Variants in SLC14A1 observed in about 807,000 individuals in gnomAD.
SLC14A1 encodes the protein solute carrier family 14 member 1 (Kidd blood group).
In SLC14A1, 36 loss-of-function variants were observed where a neutral mutation model predicts 39.6. The ratio of observed to expected loss-of-function variants is 0.91; its 90% confidence interval spans 0.70 to 1.20. The LOEUF (loss-of-function observed/expected upper bound fraction) is 1.20, where lower values mean the gene tolerates loss of function less well. Ranked by LOEUF, SLC14A1 falls within the 50% of genes most tolerant of loss-of-function variation. SLC14A1 has a pLI of 0.00. For synonymous variants in SLC14A1, 164 were observed against 173.6 expected (o/e 0.94, Z 0.43); for missense variants, 469 against 478.7 (o/e 0.98, Z 0.19).
In SLC14A1 at chr18:45,747,587, C is replaced by T. The variant is rs574502145; in HGVS notation, c.947-789C>T. Reference sequence around the variant, plus strand: ...GTGGGCACCTGTAGTCCCAGCTACTCGGGAGGCTGAGGCAGGAGAATGGCG... The same window carrying T: ...GTGGGCACCTGTAGTCCCAGCTACTTGGGAGGCTGAGGCAGGAGAATGGCG... On this transcript the variant is annotated intron_variant, in intron 8 of 9. Transcript: ENST00000321925. 1.1e-4 allele frequency among the ~76,000 whole-genome samples: 16 copies of T among 151,934 alleles called. 1 individual carries two copies. The highest frequency in any genetic ancestry group is 7.2e-5 in the African/African-American group (3 of 41,456).
intron 8 of SLC14A1, among the ~76,000 whole-genome samples, chr18:45,746,497 A>G (rs1275988280): frequency 1.3e-5 from 2 of 152,218 alleles, no homozygotes; most frequent in African/African-American, 2.4e-5. Context: ...GAGCCTTAGA[A>G]GTGTAATGGA....
At chr18:45,742,651 C>A (rs1194286846) in intron 8 of SLC14A1, among the ~76,000 whole-genome samples, 1 of 144,920 alleles carries the variant, frequency 6.9e-6, no homozygotes, top group South Asian at 2.3e-4. Flanking sequence ...AGCCACCGCA[C>A]CTGGCGGGTG....
chr18:45,737,058 CCT>C (rs2047219484), intron 6 of SLC14A1, among the ~76,000 whole-genome samples: 1 of 152,230 alleles, frequency 6.6e-6, no homozygotes, highest in African/African-American at 2.4e-5. Context: ...TCTGACAGAA[CCT>C]CTCTATTCTG....
intron 2 of SLC14A1, chr18:45,726,716 A>G (rs7233769): frequency 0.42 from 63,223 of 152,308 alleles, 14,162 homozygotes; most frequent in East Asian, 0.52. Flanking sequence ...TCTTAAAGGC[A>G]GCTTGTGAAT....
At chr18:45,740,631 G>A (rs2047346174) in intron 8 of SLC14A1, among the ~76,000 whole-genome samples, 1 of 151,958 alleles carries the variant, frequency 6.6e-6, no homozygotes, top group Non-Finnish European at 1.5e-5. Context: ...AACCTCCTGG[G>A]CTCAAGCAAT....
intron 9 of SLC14A1, among the ~76,000 whole-genome samples, chr18:45,749,075 T>C (rs1319004826): frequency 1.3e-5 from 2 of 152,184 alleles, no homozygotes; most frequent in Admixed American, 6.5e-5. Flanking sequence ...CAGAAAAATA[T>C]GGAGCCTTAG....
At position 45,750,639 on chromosome 18, in the gene SLC14A1, G is replaced by C; in HGVS notation, c.*688G>C. 1 of 985,768 alleles carries C rather than the reference G, an allele frequency of 1.0e-6. No homozygotes were observed. Among genetic ancestry groups the C allele is most frequent in the Non-Finnish European group, 1.2e-6 (1 of 830,196 alleles). 61.1% of individuals were successfully genotyped at this position (985,768 alleles called of 1,614,324 possible). ...TTATTCTGTATTGCAACTTTTCTCA[G>C]AGATTGCAAAGGATTTTTTAGGTAG... On this transcript the variant is annotated 3_prime_UTR_variant, in exon 10 of 10. Transcript: ENST00000321925.
intron 5 of SLC14A1, 108 bp from the exon 6 acceptor site, chr18:45,736,348 C>G (rs1161881808): frequency 9.6e-7 from 1 of 1,036,548 alleles, no homozygotes; most frequent in Non-Finnish European, 1.5e-6. Context: ...CAACACAACA[C>G]GTAAGGGGCC....
At chr18:45,746,678 C>G (rs549051634) in intron 8 of SLC14A1, among the ~76,000 whole-genome samples, 5 of 152,264 alleles carry the variant, frequency 3.3e-5, no homozygotes, top group South Asian at 4.1e-4. Context: ...TTGGTGTAAC[C>G]AAGGAGAGAA....
chr18:45,728,620 A>G (rs2066128278), intron 2 of SLC14A1, among the ~76,000 whole-genome samples: 1 of 152,216 alleles, frequency 6.6e-6, no homozygotes, highest in African/African-American at 2.4e-5. Flanking sequence ...GACAGCCACC[A>G]CTTAGATTAT....
Position 45,751,312 on chromosome 18 carries a change from C to T in SLC14A1, c.*1361C>T. On this transcript the variant is annotated 3_prime_UTR_variant, in exon 10 of 10. Coordinates refer to ENST00000321925, the MANE Select transcript of SLC14A1 (RefSeq NM_015865.7). ...CTAAGATTGCACCACTGCACTCCAA[C>T]CTGGGCGACAAGAGTGAAACTGTGT... The T allele has an allele frequency of 1.1e-6, 1 of 889,330 alleles. No homozygotes were observed. Among genetic ancestry groups the T allele is most frequent in the South Asian group, 5.2e-5 (1 of 19,132 alleles). The allele number at this position is 889,330 out of a possible 1,614,324, so 55.1% of individuals were successfully genotyped here.
intron 4 of SLC14A1, among the ~76,000 whole-genome samples, chr18:45,733,400 TGC>T (rs2047088484): frequency 6.6e-6 from 1 of 152,228 alleles, no homozygotes; most frequent in African/African-American, 2.4e-5. Flanking sequence ...CTTTGAAATG[TGC>T]GTTTGGAGAC....
intron 2 of SLC14A1, chr18:45,727,467 T>C: frequency 6.6e-7 from 1 of 1,511,894 alleles, no homozygotes; most frequent in Non-Finnish European, 8.9e-7. Context: ...GGGAGCCTGC[T>C]CCAAACTCTG....
In SLC14A1 at chr18:45,750,842, GA is replaced by G; in HGVS notation, c.*893del. ...ATTTTGTAAATGCCACAAATGCATA[GA>G]ATTGTTACCAACCTCCAAAGGGCTC... On this transcript the variant is annotated 3_prime_UTR_variant, in exon 10 of 10. Coordinates refer to ENST00000321925, the MANE Select transcript of SLC14A1 (RefSeq NM_015865.7). The G allele has an allele frequency of 1.0e-6, 1 of 985,094 alleles. No individual in the cohort carries two copies. The highest frequency in any genetic ancestry group is 1.2e-6 in the Non-Finnish European group (1 of 829,714). 61.0% of individuals were successfully genotyped at this position (985,094 alleles called of 1,614,324 possible).
Position 45,748,514 on chromosome 18 carries a change from A to C in SLC14A1, c.996+89A>C, listed in dbSNP as rs2047617561. On this transcript the variant is annotated intron_variant, in intron 9 of 9. Coordinates refer to ENST00000321925, the MANE Select transcript of SLC14A1 (RefSeq NM_015865.7). ...TGCTCCTGAAGTCCACTGGGCTGGCATCCAGTGGCAGGATCCATGACCATG... is the reference window on the plus strand; with the variant it reads ...TGCTCCTGAAGTCCACTGGGCTGGCCTCCAGTGGCAGGATCCATGACCATG... The C allele has an allele frequency of 1.9e-5, 25 of 1,292,528 alleles. No individual in the cohort carries two copies. In the South Asian group the frequency reaches 3.0e-4, roughly 15 times the overall value. The allele number at this position is 1,292,528 out of a possible 1,614,324, so 80.1% of individuals were successfully genotyped here. A position where few individuals can be genotyped will look rare whatever the true frequency, so the allele number is the denominator to read the frequency against.
rs140137213 is a variant in SLC14A1 at position 45,730,389 on chromosome 18, G to A, written c.69G>A (p.Ser23=). 647 of 1,614,192 alleles carry A rather than the reference G, an allele frequency of 4.0e-4. 1 individual carries two copies. Among genetic ancestry groups the A allele is most frequent in the Non-Finnish European group, 5.2e-4 (609 of 1,180,026 alleles). ...PTMVRGENQV[S]PCQGRRCFPK... ...TGGTTAGGGGTGAAAACCAGGTTTC[G>A]CCATGTCAAGGGAGAAGGTGCTTCC... Residue 23 remains serine (S), a synonymous_variant, in exon 3 of 10, where the codon TCG becomes TCA. Coordinates refer to ENST00000321925, the MANE Select transcript of SLC14A1 (RefSeq NM_015865.7).
At chr18:45,739,141 T>G (rs1245616916) in intron 6 of SLC14A1, 22 bp from the exon 7 acceptor site, 1 of 1,613,994 alleles carries the variant, frequency 6.2e-7, no homozygotes, top group East Asian at 2.2e-5. Flanking sequence ...GTAGCCTCAT[T>G]TTTCTTAAAT....
intron 6 of SLC14A1, among the ~76,000 whole-genome samples, chr18:45,736,894 C>G (rs1326108734): frequency 1.4e-5 from 2 of 139,052 alleles, no homozygotes; most frequent in Non-Finnish European, 3.1e-5. Flanking sequence ...AGTGCTAACC[C>G]CAGAGTACAG....
intron 4 of SLC14A1, among the ~76,000 whole-genome samples, chr18:45,732,312 C>A (rs2047054625): frequency 6.6e-6 from 1 of 152,206 alleles, no homozygotes; most frequent in Non-Finnish European, 1.5e-5. Flanking sequence ...CTATGGCATT[C>A]CACAATTTGT....
Sources: allele counts gnomAD v4.1 joint callset (sites outside exome capture counted in the v4.1 genomes callset), GRCh38; gene constraint gnomAD v4.1.1; transcripts MANE v1.5; gene names NCBI Gene and HGNC (gene_info 2026-07-23, HGNC 2026-07-21).